PRKG1: variants seen among roughly 807,000 people sequenced by gnomAD.
PRKG1 encodes the protein protein kinase cGMP-dependent 1, also known as cGMP-dependent protein kinase 1.
In PRKG1, 35 loss-of-function variants were observed where a neutral mutation model predicts 88.1. The ratio of observed to expected loss-of-function variants is 0.40; its 90% confidence interval spans 0.30 to 0.53. PRKG1 has a LOEUF of 0.53. PRKG1 is among the 20% of genes least tolerant of loss of function. The pLI, the probability that PRKG1 is intolerant of heterozygous loss-of-function variation, is 0.59. For synonymous variants in PRKG1, 303 were observed against 292.5 expected (o/e 1.04, Z -0.37); for missense variants, 540 against 839.8 (o/e 0.64, Z 4.41).
intron 1 of PRKG1, among the ~76,000 whole-genome samples, chr10:51,100,012 G>T (rs1237832426): frequency 6.6e-6 from 1 of 152,130 alleles, no homozygotes; most frequent in African/African-American, 2.4e-5. Flanking sequence ...TCCTGTCTCA[G>T]CCTCCCGAGT....
intron 2 of PRKG1, among the ~76,000 whole-genome samples, chr10:51,313,070 AGTGTGT>A (rs34130710): frequency 5.1e-4 from 75 of 145,918 alleles, no homozygotes; most frequent in Non-Finnish European, 8.3e-4. Flanking sequence ...ATTAAGTTGC[AGTGTGT>A]GTGTGTGTGT....
rs1240839666 is a variant in PRKG1 at position 52,285,823 on chromosome 10, T to A, written c.1710-2903T>A. 2.0e-5 allele frequency among the ~76,000 whole-genome samples: 3 copies of A among 151,848 alleles called. No homozygotes were observed. In the East Asian group the frequency reaches 5.8e-4, roughly 29 times the overall value. On this transcript the variant is annotated intron_variant, in intron 14 of 17. Coordinates refer to ENST00000373980, the MANE Select transcript of PRKG1 (RefSeq NM_006258.4). ...CATTACAGAACTGAAAGTCATGCTG[T>A]AAGTAAGAGAAAATAAAATAGTAAC...
chr10:51,394,904 G>T (rs938251477), intron 2 of PRKG1, among the ~76,000 whole-genome samples: 13 of 152,028 alleles, frequency 8.6e-5, no homozygotes, highest in African/African-American at 3.1e-4. Flanking sequence ...ACACTTTTTT[G>T]ATATATATAC....
At chr10:51,147,054 A>G (rs1342213140) in intron 1 of PRKG1, among the ~76,000 whole-genome samples, 1 of 152,182 alleles carries the variant, frequency 6.6e-6, no homozygotes, top group Non-Finnish European at 1.5e-5. Flanking sequence ...CAGAAATATA[A>G]ATACTGCATG....
At chr10:51,082,337 A>G (rs1844132386) in intron 1 of PRKG1, among the ~76,000 whole-genome samples, 1 of 152,140 alleles carries the variant, frequency 6.6e-6, no homozygotes, top group South Asian at 2.1e-4. Flanking sequence ...CCAATAATTA[A>G]ATAGGAAGCA....
In PRKG1 at chr10:51,026,256, T is replaced by C. The variant is rs112385460; in HGVS notation, c.266+34612T>C. On this transcript the variant is annotated intron_variant, in intron 1 of 17. Transcript: ENST00000401604. ...TCTATTGTTTAGGCCACCCACCCTG[T>C]AGCACTTTGTTATAACAGCCCTAGG... Among the ~76,000 whole-genome samples, 1,347 of 152,234 alleles carry C rather than the reference T, an allele frequency of 8.8e-3. 9 individuals are homozygous for C. The highest frequency in any genetic ancestry group is 0.011 in the Non-Finnish European group (779 of 67,994).
chr10:51,782,941 C>A (rs377681325), intron 3 of PRKG1, among the ~76,000 whole-genome samples: 1 of 152,052 alleles, frequency 6.6e-6, no homozygotes, highest in Non-Finnish European at 1.5e-5. Context: ...ATTCAGGTAG[C>A]CTAACTCTTG....
At chr10:52,092,079 T>TA (rs1194446603) in intron 7 of PRKG1, among the ~76,000 whole-genome samples, 186 of 152,284 alleles carry the variant, frequency 1.2e-3, no homozygotes, top group African/African-American at 4.2e-3. Flanking sequence ...GTATTTAACT[T>TA]GTGGTTCCTA....
intron 4 of PRKG1, among the ~76,000 whole-genome samples, chr10:51,834,897 GAA>G (rs1403798545): frequency 6.6e-6 from 1 of 151,972 alleles, no homozygotes. Flanking sequence ...GGGGCCTCCA[GAA>G]ACATCAGAAA....
chr10:52,009,377 CA>C (rs1273838879), intron 5 of PRKG1, among the ~76,000 whole-genome samples: 2 of 152,002 alleles, frequency 1.3e-5, no homozygotes, highest in African/African-American at 4.8e-5. Context: ...TATGCACCAA[CA>C]GCATCCAAGT....
chr10:51,789,222 T>C (rs550147821), intron 3 of PRKG1, among the ~76,000 whole-genome samples: 1 of 152,346 alleles, frequency 6.6e-6, no homozygotes, highest in Admixed American at 6.5e-5. Context: ...AATCTGTTGT[T>C]ATGCACAGAT....
chr10:51,607,698 G>C (rs1838803423), intron 3 of PRKG1, among the ~76,000 whole-genome samples: 1 of 152,232 alleles, frequency 6.6e-6, no homozygotes, highest in Non-Finnish European at 1.5e-5. Flanking sequence ...AAAGAGATAA[G>C]TGCCTATTAT....
intron 5 of PRKG1, among the ~76,000 whole-genome samples, chr10:52,008,872 T>A (rs1844807929): frequency 6.6e-6 from 1 of 152,010 alleles, no homozygotes; most frequent in East Asian, 1.9e-4. Context: ...GCATGTTTGG[T>A]TCAACATATG....
chr10:52,271,266 G>A lies in PRKG1; in HGVS notation c.1174-84G>A, dbSNP rs10454466. On this transcript the variant is annotated intron_variant, in intron 10 of 17. Coordinates refer to ENST00000373980, the MANE Select transcript of PRKG1 (RefSeq NM_006258.4). ...AGGTGGCTGAGGTTCATTTAAGTGC[G>A]CCATGTACCTGTTAATTTGGGGATA... is the stretch of plus-strand genomic sequence containing the variant. 3.5e-5 allele frequency: 50 copies of A among 1,414,744 alleles called. No individual in the cohort carries two copies. In the Admixed American group the frequency reaches 4.1e-4, roughly 12 times the overall value. The allele number at this position is 1,414,744 out of a possible 1,614,324, so 87.6% of individuals were successfully genotyped here.
In PRKG1 at chr10:51,258,830, A is replaced by AG. The variant is rs1234109620; in HGVS notation, c.478+105502dup. Among the ~76,000 whole-genome samples the AG allele has an allele frequency of 1.8e-3, 274 of 152,374 alleles. 4 individuals are homozygous for AG. Among genetic ancestry groups the AG allele is most frequent in the Non-Finnish European group, 3.7e-4 (25 of 68,048 alleles). On this transcript the variant is annotated intron_variant, in intron 2 of 17. Coordinates refer to ENST00000373980, the MANE Select transcript of PRKG1 (RefSeq NM_006258.4). ...CAGCTATCAGTGCATTACTCCATGA[A>AG]GGAAACCACTCCTTTGTGATCTTAT...
chr10:51,472,478 C>T (rs374026783), intron 3 of PRKG1, among the ~76,000 whole-genome samples: 1 of 151,858 alleles, frequency 6.6e-6, no homozygotes, highest in Admixed American at 6.6e-5. Context: ...TTCATCCACA[C>T]TATGCTTTTT....
chr10:51,947,465 A>ACCCACTGTCTTCTG (rs1554859075), intron 5 of PRKG1, among the ~76,000 whole-genome samples: 3 of 151,866 alleles, frequency 2.0e-5, no homozygotes, highest in Admixed American at 6.6e-5. Flanking sequence ...GGTGCGCTGC[A>ACCCACTGTCTTCTG]CCCACTGTCT....
chr10:52,276,009 G>A (rs1364206093), intron 12 of PRKG1, among the ~76,000 whole-genome samples: 2 of 152,104 alleles, frequency 1.3e-5, no homozygotes, highest in African/African-American at 4.8e-5. Flanking sequence ...GTATAGAAGA[G>A]CTACTGATTC....
intron 4 of PRKG1, among the ~76,000 whole-genome samples, chr10:51,844,721 G>A (rs1005502601): frequency 6.6e-6 from 1 of 152,104 alleles, no homozygotes. Context: ...AATGTCAGGG[G>A]CTTAAAACTG....
Sources: allele counts gnomAD v4.1 joint callset (sites outside exome capture counted in the v4.1 genomes callset), GRCh38; gene constraint gnomAD v4.1.1; transcripts MANE v1.5; gene names NCBI Gene and HGNC (gene_info 2026-07-23, HGNC 2026-07-21).